Variants in NYAP2 observed in about 807,000 individuals in gnomAD.
The protein encoded by NYAP2 is neuronal tyrosine-phosphorylated phosphoinositide-3-kinase adapter 2.
Under a neutral mutation model 50.4 loss-of-function variants are expected in NYAP2, and 23 were observed. The ratio of observed to expected loss-of-function variants is 0.46; its 90% CI spans 0.33 to 0.65. NYAP2 has a LOEUF of 0.65. NYAP2 is among the 30% of genes least tolerant of loss of function. NYAP2 has a pLI of 0.02. For missense variants in NYAP2, 885 were observed against 861.0 expected, an observed-to-expected ratio of 1.03 and a Z score of -0.35; for synonymous variants, 394 against 365.2, an observed-to-expected ratio of 1.08 and a Z score of -0.90.
At chr2:225,683,031 C>T in the NYAP2 span, among the ~76,000 whole-genome samples, 3 of 152,102 alleles carry the variant, frequency 2.0e-5, no homozygotes, top group Middle Eastern at 3.4e-3. Flanking sequence ...TTCTGTTCTT[C>T]CTACTACTCT....
At chr2:225,496,423 T>G (rs1392788924) in intron 3 of NYAP2, among the ~76,000 whole-genome samples, 2 of 152,214 alleles carry the variant, frequency 1.3e-5, no homozygotes, top group Non-Finnish European at 2.9e-5. Flanking sequence ...CTTACATTTT[T>G]TATCCTCCTT....
intron 5 of NYAP2, among the ~76,000 whole-genome samples, chr2:225,600,629 C>A (rs1489413981): frequency 1.3e-5 from 2 of 152,200 alleles, no homozygotes; most frequent in African/African-American, 4.8e-5. Context: ...GTCTCAGTTA[C>A]AGCTTTGCAG....
chr2:225,460,992 CAAAAAAA>C (rs869283101), intron 3 of NYAP2, among the ~76,000 whole-genome samples: 5 of 43,054 alleles, frequency 1.2e-4, no homozygotes, highest in Admixed American at 2.7e-4. Context: ...GACTCTGTCT[CAAAAAAA>C]AAAAAAAAAA....
chr2:225,436,396 A>G (rs1689377790), intron 3 of NYAP2, among the ~76,000 whole-genome samples: 2 of 152,050 alleles, frequency 1.3e-5, no homozygotes. Context: ...TTTGCTGACA[A>G]TCTCTGGCAT....
chr2:225,682,375 T>C, the NYAP2 span, among the ~76,000 whole-genome samples: 4 of 152,172 alleles, frequency 2.6e-5, no homozygotes, highest in African/African-American at 9.6e-5. Context: ...GCTGTTAAAA[T>C]GAGGAAGAAG....
chr2:225,539,389 T>C (rs978295897), intron 4 of NYAP2, among the ~76,000 whole-genome samples: 1 of 152,208 alleles, frequency 6.6e-6, no homozygotes, highest in Non-Finnish European at 1.5e-5. Context: ...TCAAATGGTA[T>C]TTCTTGTTCT....
chr2:225,619,427 A>T (rs1693049975), intron 5 of NYAP2, among the ~76,000 whole-genome samples: 1 of 152,232 alleles, frequency 6.6e-6, no homozygotes, highest in Non-Finnish European at 1.5e-5. Context: ...TAGAGCTTAA[A>T]AGAGATCTTC....
At chr2:225,673,567 A>G in the NYAP2 span, among the ~76,000 whole-genome samples, 1,223 of 152,288 alleles carry the variant, frequency 8.0e-3, 28 homozygotes, top group African/African-American at 0.028. Context: ...TCTTTGGATT[A>G]TTGCTGTGCA....
intron 3 of NYAP2, among the ~76,000 whole-genome samples, chr2:225,437,903 C>A (rs1375223947): frequency 6.6e-6 from 1 of 152,164 alleles, no homozygotes; most frequent in Non-Finnish European, 1.5e-5. Flanking sequence ...ATGGGGACAT[C>A]AATTCAAATA....
At chr2:225,430,022 T>C (rs1057411854) in intron 3 of NYAP2, among the ~76,000 whole-genome samples, 1 of 152,196 alleles carries the variant, frequency 6.6e-6, no homozygotes, top group African/African-American at 2.4e-5. Flanking sequence ...ACTGATAAAC[T>C]CTGGATTATT....
At chr2:225,509,535 C>T (rs2106182929) in intron 3 of NYAP2, among the ~76,000 whole-genome samples, 1 of 152,272 alleles carries the variant, frequency 6.6e-6, no homozygotes, top group African/African-American at 2.4e-5. Flanking sequence ...ACCTCAGTCT[C>T]CAGAGTGTCT....
chr2:225,680,060 GACTGT>G, the NYAP2 span, among the ~76,000 whole-genome samples: 1 of 152,188 alleles, frequency 6.6e-6, no homozygotes, highest in Admixed American at 6.6e-5. Flanking sequence ...AACATACTAT[GACTGT>G]TCAGTTTCCC....
chr2:225,656,585 G>A (rs1693830681), downstream of NYAP2, among the ~76,000 whole-genome samples: 1 of 152,048 alleles, frequency 6.6e-6, no homozygotes, highest in Non-Finnish European at 1.5e-5. Context: ...TGGCAATCCT[G>A]GATAAGGGAA....
chr2:225,583,566 TA>T (rs1481328945), intron 5 of NYAP2, among the ~76,000 whole-genome samples: 1 of 148,636 alleles, frequency 6.7e-6, no homozygotes, highest in African/African-American at 2.5e-5. Flanking sequence ...GAAGAGTGTT[TA>T]AAAAAAAGTA....
chr2:225,677,304 C>G, the NYAP2 span, among the ~76,000 whole-genome samples: 1 of 152,082 alleles, frequency 6.6e-6, no homozygotes. Context: ...GTTCCAGGAG[C>G]TTTTCGGTGG....
chr2:225,485,208 C>T (rs1690270123), intron 3 of NYAP2, among the ~76,000 whole-genome samples: 1 of 152,166 alleles, frequency 6.6e-6, no homozygotes, highest in Non-Finnish European at 1.5e-5. Flanking sequence ...GAGAGTTCCC[C>T]TGCACAAGCT....
At chr2:225,686,712 C>A in the NYAP2 span, among the ~76,000 whole-genome samples, 8 of 152,052 alleles carry the variant, frequency 5.3e-5, no homozygotes, top group Non-Finnish European at 1.2e-4. Context: ...GAGGTTCTAC[C>A]AGTGAGTAAG....
intron 5 of NYAP2, among the ~76,000 whole-genome samples, chr2:225,595,310 A>T (rs1362420846): frequency 6.6e-6 from 1 of 152,160 alleles, no homozygotes; most frequent in Non-Finnish European, 1.5e-5. Context: ...ATTCTAATGC[A>T]TCTTTTTGTT....
chr2:225,589,915 C>G (rs115087193), intron 5 of NYAP2, among the ~76,000 whole-genome samples: 3,015 of 152,154 alleles, frequency 0.02, 102 homozygotes, highest in African/African-American at 0.069. Context: ...TGCCCACATG[C>G]AGGCATGTTG....
Sources: allele counts gnomAD v4.1 joint callset (sites outside exome capture counted in the v4.1 genomes callset), GRCh38; gene constraint gnomAD v4.1.1; transcripts MANE v1.5; gene names NCBI Gene and HGNC (gene_info 2026-07-23, HGNC 2026-07-21).